The following RMST variants were observed in gnomAD, a reference collection of about 807,000 sequenced individuals.
The protein encoded by RMST is rhabdomyosarcoma 2 associated transcript.
At chr12:97,506,682 T>G (rs1020220585) in intron 10 of RMST, among the ~76,000 whole-genome samples, 2 of 143,418 alleles carry the variant, frequency 1.4e-5, no homozygotes, top group African/African-American at 5.2e-5. Context: ...TCTGTTTTTT[T>G]TTTTTTTTTT....
chr12:97,488,336 G>A (rs1392174430), intron 5 of RMST, among the ~76,000 whole-genome samples: 1 of 152,080 alleles, frequency 6.6e-6, no homozygotes, highest in Non-Finnish European at 1.5e-5. Context: ...AACCTAGGTG[G>A]GTGCAGTTGG....
intron 11 of RMST, among the ~76,000 whole-genome samples, chr12:97,546,528 A>G (rs760329115): frequency 3.3e-5 from 5 of 151,018 alleles, no homozygotes; most frequent in Admixed American, 6.6e-5. Context: ...GTTGCAGTGA[A>G]CCGAGATCTC....
At chr12:97,487,255 A>G (rs1876215351) in intron 5 of RMST, among the ~76,000 whole-genome samples, 1 of 152,104 alleles carries the variant, frequency 6.6e-6, no homozygotes, top group Admixed American at 6.6e-5. Context: ...GTGGAATCAT[A>G]AAAAAAGGAT....
chr12:97,545,152 A>G (rs1882840999), intron 11 of RMST, among the ~76,000 whole-genome samples: 2 of 151,888 alleles, frequency 1.3e-5, no homozygotes, highest in Admixed American at 6.6e-5. Flanking sequence ...ATTTCCTCAT[A>G]TTTTTCCTTT....
At chr12:97,466,127 A>G (rs17026992) in intron 5 of RMST, among the ~76,000 whole-genome samples, 27,827 of 152,106 alleles carry the variant, frequency 0.18, 3,323 homozygotes, top group East Asian at 0.48. Flanking sequence ...CGAAGTACCA[A>G]TTTTCTAAAG....
chr12:97,478,512 A>G (rs1208465112), intron 5 of RMST, among the ~76,000 whole-genome samples: 1 of 152,208 alleles, frequency 6.6e-6, no homozygotes, highest in Non-Finnish European at 1.5e-5. Flanking sequence ...AAAGCTATTT[A>G]TACCCAGATG....
At chr12:97,473,239 C>A (rs1388598501) in intron 5 of RMST, among the ~76,000 whole-genome samples, 2 of 152,064 alleles carry the variant, frequency 1.3e-5, no homozygotes, top group Non-Finnish European at 2.9e-5. Context: ...CAACTGATTT[C>A]ATCAGCAAAA....
intron 10 of RMST, among the ~76,000 whole-genome samples, chr12:97,505,655 A>G (rs941461478): frequency 2.0e-5 from 3 of 152,240 alleles, no homozygotes; most frequent in Non-Finnish European, 2.9e-5. Context: ...AATGGTGTGG[A>G]TGGTACACAG....
Position 97,494,670 on chromosome 12 carries a change from T to C in RMST, n.1028-25T>C, listed in dbSNP as rs565227338. On this transcript the variant is annotated intron_variant and non_coding_transcript_variant, in intron 8 of 13. Transcript: ENST00000640149. ...TGCTGGCCAGTCAAAAATTCTTACTTTTTTTTCTTATTCTGAACTTTCAGA... is the reference window on the plus strand; with the variant it reads ...TGCTGGCCAGTCAAAAATTCTTACTCTTTTTTCTTATTCTGAACTTTCAGA... 3.3e-5 allele frequency: 5 copies of C among 152,298 alleles called. No individual in the cohort carries two copies. The East Asian group carries it at 9.6e-4, about 29-fold the overall frequency. The allele number at this position is 152,298 out of a possible 1,614,324, so 9.4% of individuals were successfully genotyped here.
At chr12:97,532,172 T>C (rs1881686938) in intron 11 of RMST, among the ~76,000 whole-genome samples, 1 of 151,970 alleles carries the variant, frequency 6.6e-6, no homozygotes, top group South Asian at 2.1e-4. Flanking sequence ...ATCATTATTT[T>C]ATTATATTCT....
intron 10 of RMST, among the ~76,000 whole-genome samples, chr12:97,511,593 G>A (rs1879302120): frequency 6.6e-6 from 1 of 152,166 alleles, no homozygotes; most frequent in Admixed American, 6.5e-5. Flanking sequence ...ATCTGATTTT[G>A]AATCCTGGCC....
chr12:97,519,465 C>T (rs556873591), intron 10 of RMST, among the ~76,000 whole-genome samples: 54 of 152,288 alleles, frequency 3.5e-4, no homozygotes, highest in Admixed American at 2.8e-3. Flanking sequence ...TTATTAATTG[C>T]ATATTTGAAT....
intron 5 of RMST, among the ~76,000 whole-genome samples, chr12:97,478,627 T>G (rs760395612): frequency 3.9e-5 from 6 of 152,162 alleles, no homozygotes; most frequent in Non-Finnish European, 7.3e-5. Flanking sequence ...AAATCAGGTA[T>G]CAGTTTGGAT....
chr12:97,523,034 T>A (rs895246330), intron 10 of RMST, among the ~76,000 whole-genome samples: 1 of 152,240 alleles, frequency 6.6e-6, no homozygotes, highest in African/African-American at 2.4e-5. Context: ...GAAGCTAGGC[T>A]GTATCAGCTT....
At chr12:97,547,239 A>C (rs1883008206) in intron 11 of RMST, among the ~76,000 whole-genome samples, 1 of 150,818 alleles carries the variant, frequency 6.6e-6, no homozygotes, top group Non-Finnish European at 1.5e-5. Context: ...TATATATAAC[A>C]TCTACACTAT....
chr12:97,474,564 T>C (rs1056072072), intron 5 of RMST, among the ~76,000 whole-genome samples: 4 of 146,712 alleles, frequency 2.7e-5, no homozygotes, highest in Non-Finnish European at 5.9e-5. Context: ...AGAGACAGTA[T>C]GTCTGACCTA....
exon 14 of RMST, chr12:97,564,919 T>C (rs1010322189): frequency 6.6e-6 from 1 of 152,224 alleles, no homozygotes; most frequent in Non-Finnish European, 1.5e-5. Context: ...ACTTTTACTG[T>C]TTTCTGTATA....
At chr12:97,503,247 C>A (rs1878284582) in intron 10 of RMST, among the ~76,000 whole-genome samples, 1 of 152,122 alleles carries the variant, frequency 6.6e-6, no homozygotes, top group Non-Finnish European at 1.5e-5. Flanking sequence ...GGACTTTAGC[C>A]TTACCTGCCA....
chr12:97,515,827 A>G (rs1879870634), intron 10 of RMST, among the ~76,000 whole-genome samples: 2 of 152,186 alleles, frequency 1.3e-5, no homozygotes, highest in South Asian at 4.1e-4. Context: ...ATATATGTTT[A>G]TGTATTTGGC....
Sources: allele counts gnomAD v4.1 joint callset (sites outside exome capture counted in the v4.1 genomes callset), GRCh38; gene constraint gnomAD v4.1.1; transcripts MANE v1.5; gene names NCBI Gene and HGNC (gene_info 2026-07-23, HGNC 2026-07-21).